Variants in SLC8A1 observed in about 807,000 individuals in gnomAD.
SLC8A1 encodes the protein sodium/calcium exchanger 1.
A neutral mutation model predicts 68.3 loss-of-function variants in SLC8A1; 18 were observed. The observed-to-expected ratio is 0.26, with a 90% CI of 0.18 to 0.39. The LOEUF is 0.39. Ranked by LOEUF, SLC8A1 falls within the 10% of genes least tolerant of loss-of-function variation. SLC8A1 has a pLI of 1.00. For synonymous variants in SLC8A1, 475 were observed against 415.5 expected (o/e 1.14, Z -1.74); for missense variants, 985 against 1,156.7 (o/e 0.85, Z 2.15).
intron 1 of SLC8A1, among the ~76,000 whole-genome samples, chr2:40,444,702 T>C (rs911446400): frequency 1.3e-5 from 2 of 152,216 alleles, no homozygotes; most frequent in Non-Finnish European, 2.9e-5. Context: ...AAAAAGAATA[T>C]TGCATGATGT....
rs185829088 is a variant in SLC8A1 at position 40,380,078 on chromosome 2, T to G, written c.1808+48395A>C. The stretch of plus-strand genomic sequence containing the variant: ...AATGAAAATCATGGAAAATTTTGGC[T>G]TACTACATTTAGCTTGATCAGTGCT... On this transcript the variant is annotated intron_variant, in intron 2 of 7. Transcript: ENST00000406785. 2.0e-5 allele frequency among the ~76,000 whole-genome samples: 3 copies of G among 152,280 alleles called. No homozygotes were observed. The East Asian group carries it at 5.8e-4, about 30-fold the overall frequency.
intron 2 of SLC8A1, among the ~76,000 whole-genome samples, chr2:40,386,647 T>C (rs1683649628): frequency 6.8e-6 from 1 of 147,726 alleles, no homozygotes; most frequent in South Asian, 2.1e-4. Flanking sequence ...GGGAAAACAA[T>C]GCAGTTAAGT....
rs115566197 is a variant in SLC8A1, at chr2:40,149,713, C to G, written c.2162-10037G>C. Among the ~76,000 whole-genome samples, 1,467 of 152,256 alleles carry G rather than the reference C, an allele frequency of 9.6e-3. 24 individuals are homozygous for G. The highest frequency in any genetic ancestry group is 0.033 in the African/African-American group (1,353 of 41,542). On this transcript the variant is annotated intron_variant, in intron 6 of 7. Transcript: ENST00000406785. Reference sequence around the variant, plus strand: ...TTCTTGTAAATGGGTTCATGAGTAGCTACTGCACGAGGCTGCTGTGGGGCT... The same window carrying G: ...TTCTTGTAAATGGGTTCATGAGTAGGTACTGCACGAGGCTGCTGTGGGGCT...
At chr2:40,262,636 C>A (rs761295404) in intron 2 of SLC8A1, among the ~76,000 whole-genome samples, 27 of 152,082 alleles carry the variant, frequency 1.8e-4, no homozygotes, top group Non-Finnish European at 2.9e-4. Flanking sequence ...ATTCAAGAAA[C>A]ATTTCTTGAG....
At chr2:40,511,794 A>G (rs1341926267) in intron 1 of SLC8A1, among the ~76,000 whole-genome samples, 1 of 152,162 alleles carries the variant, frequency 6.6e-6, no homozygotes, top group East Asian at 1.9e-4. Flanking sequence ...TGTGAAAACA[A>G]CCCAAGAATC....
At chr2:40,215,526 A>G (rs1350163140) in intron 2 of SLC8A1, among the ~76,000 whole-genome samples, 2 of 151,372 alleles carry the variant, frequency 1.3e-5, no homozygotes, top group East Asian at 3.9e-4. Flanking sequence ...AGTCCCAGCT[A>G]CTCGGGAGGC....
chr2:40,414,618 T>C (rs938888620), intron 2 of SLC8A1, among the ~76,000 whole-genome samples: 12 of 152,210 alleles, frequency 7.9e-5, no homozygotes, highest in Admixed American at 6.5e-5. Context: ...ATTCTTTAAT[T>C]AAGTCATGTT....
intron 2 of SLC8A1, among the ~76,000 whole-genome samples, chr2:40,358,791 G>A (rs1476202699): frequency 6.6e-6 from 1 of 152,108 alleles, no homozygotes; most frequent in African/African-American, 2.4e-5. Context: ...AACAGCCAGG[G>A]GCTGATAAAC....
intron 2 of SLC8A1, among the ~76,000 whole-genome samples, chr2:40,250,661 A>G (rs1011543507): frequency 5.9e-5 from 9 of 152,168 alleles, no homozygotes; most frequent in African/African-American, 2.2e-4. Context: ...CTGCTACTAA[A>G]GAAACTTTCG....
chr2:40,485,659 G>C (rs1208936916), intron 1 of SLC8A1, among the ~76,000 whole-genome samples: 3 of 151,978 alleles, frequency 2.0e-5, no homozygotes. Context: ...ACTAAAAATG[G>C]AATACTCTTA....
At chr2:40,182,320 C>T (rs910142177) in intron 2 of SLC8A1, among the ~76,000 whole-genome samples, 2 of 152,188 alleles carry the variant, frequency 1.3e-5, no homozygotes, top group African/African-American at 4.8e-5. Context: ...ATTATAAAGA[C>T]AGGAAAACTC....
chr2:40,429,655 G>C (rs1419263221), exon 2 of SLC8A1: 1 of 1,613,786 alleles, frequency 6.2e-7, no homozygotes, highest in Non-Finnish European at 8.5e-7. Flanking sequence ...GATGCTCCAG[G>C]CTGCTGTCAC....
At chr2:40,153,615 C>G (rs2043869993) in intron 6 of SLC8A1, among the ~76,000 whole-genome samples, 1 of 152,044 alleles carries the variant, frequency 6.6e-6, no homozygotes, top group South Asian at 2.1e-4. Context: ...CCAGTGATTC[C>G]AAGCCTGAAA....
chr2:40,182,660 C>G lies in SLC8A1; in HGVS notation c.1809-4805G>C, dbSNP rs891833433. Among the ~76,000 whole-genome samples, 9 of 152,172 alleles carry G rather than the reference C, an allele frequency of 5.9e-5. 1 individual carries two copies. The highest frequency in any genetic ancestry group is 1.9e-4 in the African/African-American group (8 of 41,436). On this transcript the variant is annotated intron_variant, in intron 2 of 7. Coordinates refer to ENST00000406785, the Ensembl canonical transcript of SLC8A1. ...TAGGTGTCTCAAAGGACCTGAACAT[C>G]TTCAAACAGACTACCAAGGAGTTCT...
At chr2:40,276,048 G>A (rs2066655355) in intron 2 of SLC8A1, among the ~76,000 whole-genome samples, 1 of 152,208 alleles carries the variant, frequency 6.6e-6, no homozygotes, top group African/African-American at 2.4e-5. Flanking sequence ...GCAGCTACTT[G>A]TAAAAATGAA....
chr2:40,323,334 A>G (rs2075433300), intron 2 of SLC8A1, among the ~76,000 whole-genome samples: 1 of 152,160 alleles, frequency 6.6e-6, no homozygotes, highest in Non-Finnish European at 1.5e-5. Flanking sequence ...TTAAGACACT[A>G]TTACTGTCCA....
intron 2 of SLC8A1, among the ~76,000 whole-genome samples, chr2:40,266,159 C>G (rs2065332094): frequency 6.6e-6 from 1 of 152,122 alleles, no homozygotes; most frequent in South Asian, 2.1e-4. Context: ...AATATGTGTG[C>G]ATTTTTAAAA....
At chr2:40,495,058 G>A (rs930740677) in intron 1 of SLC8A1, among the ~76,000 whole-genome samples, 3 of 151,914 alleles carry the variant, frequency 2.0e-5, no homozygotes, top group South Asian at 2.1e-4. Context: ...TGGGAGGTGA[G>A]GTTTGGTACT....
chr2:40,248,389 C>T (rs1240201214), intron 2 of SLC8A1, among the ~76,000 whole-genome samples: 1 of 152,052 alleles, frequency 6.6e-6, no homozygotes, highest in Non-Finnish European at 1.5e-5. Flanking sequence ...GAGGTTAGTG[C>T]CCTTATAAAA....
Sources: allele counts gnomAD v4.1 joint callset (sites outside exome capture counted in the v4.1 genomes callset), GRCh38; gene constraint gnomAD v4.1.1; transcripts MANE v1.5; gene names NCBI Gene and HGNC (gene_info 2026-07-23, HGNC 2026-07-21).